ANK2: variants seen among roughly 807,000 people sequenced by gnomAD.
ANK2 encodes ankyrin 2, also known as ankyrin-2.
In ANK2, 83 loss-of-function variants were observed where a neutral mutation model predicts 360.5. The observed-to-expected ratio is 0.23, with a 90% CI of 0.19 to 0.28. ANK2 has a LOEUF of 0.28. ANK2 is among the 10% of genes least tolerant of loss of function. The probability of loss-of-function intolerance (pLI) is 1.00; values close to 1 mark genes in which losing one functional copy is unlikely to be tolerated. For synonymous variants in ANK2, 1,740 were observed against 1,759.5 expected, an observed-to-expected ratio of 0.99 and a Z score of 0.28; for missense variants, 4,201 against 4,795.7, an observed-to-expected ratio of 0.88 and a Z score of 3.66.
chr4:113,307,474 G>A (rs2077778027), intron 23 of ANK2, among the ~76,000 whole-genome samples: 1 of 144,578 alleles, frequency 6.9e-6, no homozygotes, highest in African/African-American at 2.6e-5. Flanking sequence ...GGAGTGCAGT[G>A]GTGTGATCTT....
At chr4:112,782,509 A>G in the ANK2 span, among the ~76,000 whole-genome samples, 1 of 152,106 alleles carries the variant, frequency 6.6e-6, no homozygotes, top group Non-Finnish European at 1.5e-5. Flanking sequence ...ATATTAACTT[A>G]TTTGATCCTT....
chr4:113,230,767 T>C (rs889769408), intron 4 of ANK2, among the ~76,000 whole-genome samples: 5 of 152,224 alleles, frequency 3.3e-5, no homozygotes, highest in African/African-American at 4.8e-5. Context: ...TTTAAACTCA[T>C]GTTATACAAT....
At chr4:113,026,436 A>G (rs554329869) in intron 2 of ANK2, among the ~76,000 whole-genome samples, 1 of 152,322 alleles carries the variant, frequency 6.6e-6, no homozygotes, top group East Asian at 1.9e-4. Context: ...AAATTCCTTG[A>G]TAACAGAAAC....
intron 10 of ANK2, among the ~76,000 whole-genome samples, chr4:113,252,083 C>T (rs147309884): frequency 6.6e-6 from 1 of 152,120 alleles, no homozygotes; most frequent in Non-Finnish European, 1.5e-5. Context: ...GAGGAACTCA[C>T]AGTCACGAGG....
At chr4:112,717,703 C>G in the ANK2 span, among the ~76,000 whole-genome samples, 4 of 152,060 alleles carry the variant, frequency 2.6e-5, no homozygotes, top group African/African-American at 7.2e-5. Flanking sequence ...ATTACCTATC[C>G]AAGATAGTTA....
chr4:112,925,632 A>C (rs1175692062), intron 2 of ANK2, among the ~76,000 whole-genome samples: 1 of 152,252 alleles, frequency 6.6e-6, no homozygotes, highest in African/African-American at 2.4e-5. Flanking sequence ...GAAATTTTTA[A>C]TTAATAAAAT....
At chr4:112,834,208 A>G (rs2060495099) in intron 1 of ANK2, among the ~76,000 whole-genome samples, 1 of 152,194 alleles carries the variant, frequency 6.6e-6, no homozygotes, top group Non-Finnish European at 1.5e-5. Context: ...CATTCTTACT[A>G]TGTATTAGAT....
chr4:112,875,807 T>C (rs889936689), intron 1 of ANK2, among the ~76,000 whole-genome samples: 1 of 151,978 alleles, frequency 6.6e-6, no homozygotes, highest in African/African-American at 2.4e-5. Context: ...GGTGTGCTCA[T>C]AGCTCACTGC....
At chr4:113,277,089 G>A (rs1039047698) in intron 15 of ANK2, among the ~76,000 whole-genome samples, 3 of 152,136 alleles carry the variant, frequency 2.0e-5, no homozygotes, top group East Asian at 1.9e-4. Flanking sequence ...GGTTAGGCAC[G>A]GAAGACACTG....
chr4:113,312,818 A>G (rs1387791675), intron 24 of ANK2, among the ~76,000 whole-genome samples: 4 of 152,198 alleles, frequency 2.6e-5, no homozygotes, highest in African/African-American at 9.7e-5. Flanking sequence ...TCCTTCTGCC[A>G]GTGAGAAAGA....
At position 113,357,905 on chromosome 4, in the gene ANK2, G is replaced by A; in HGVS notation, c.9287G>A (p.Ser3096Asn). 1.2e-6 allele frequency: 2 copies of A among 1,614,068 alleles called. No individual in the cohort carries two copies. Among genetic ancestry groups the A allele is most frequent in the Admixed American group, 3.3e-5 (2 of 60,008 alleles). Residue 3096 changes from serine to asparagine, a missense_variant, in exon 38 of 46, where the codon AGT becomes AAT. Physicochemically the swap from Ser to Asn is conservative, Grantham distance 46 (BLOSUM62 1). Around this residue, in one of 4 missense-constraint regions of ANK2, gnomAD observed 2,642 missense variants for 2,714.5 expected, o/e 0.97. Transcript: ENST00000357077. ...RTPTEEGTPT[S>N]EQNPFLFQEG... ...CCAACTGAAGAGGGGACCCCAACAA[G>A]TGAGCAAAACCCATTTCTGTTTCAG...
chr4:113,257,875 C>G (rs1242339771), intron 11 of ANK2, among the ~76,000 whole-genome samples, 175 bp from the exon 12 acceptor site: 1 of 152,240 alleles, frequency 6.6e-6, no homozygotes, highest in Non-Finnish European at 1.5e-5. Flanking sequence ...AAGTGAAGTT[C>G]AGTGCCTACA....
chr4:113,180,939 T>TAA (rs1562674461), intron 2 of ANK2, among the ~76,000 whole-genome samples: 1 of 152,192 alleles, frequency 6.6e-6, no homozygotes, highest in Non-Finnish European at 1.5e-5. Context: ...TGTAATCTCT[T>TAA]TCGATGCATC....
chr4:113,039,535 T>A (rs1384286779), intron 2 of ANK2, among the ~76,000 whole-genome samples: 2 of 101,584 alleles, frequency 2.0e-5, no homozygotes, highest in East Asian at 9.3e-4. Context: ...ATTTACATAT[T>A]TTTTTTTTCT....
rs150536846 is a variant in ANK2, at chr4:113,156,371, C to CTTTTTTTTTTTTTTTTTTTTTTTTT, written c.85-18035_85-18034insTTTTTTTTTTTTTTTTTTTTTTTTT. Among the ~76,000 whole-genome samples the CTTTTTTTTTTTTTTTTTTTTTTTTT allele has an allele frequency of 1.6e-4, 20 of 128,466 alleles. 1 individual carries two copies. The highest frequency in any genetic ancestry group is 2.3e-4 in the South Asian group (1 of 4,382). 84.3% of individuals were successfully genotyped at this position (128,466 alleles called of 152,430 possible). A position where few individuals can be genotyped will look rare whatever the true frequency, so the allele number is the denominator to read the frequency against. On this transcript the variant is annotated intron_variant, in intron 1 of 45. Transcript: ENST00000357077. ...CGTATAGAGTATATGTAGAAAAATT[C>CTTTTTTTTTTTTTTTTTTTTTTTTT]TTTTTTTTTTGTTTTTGAGACAGAG... is the stretch of plus-strand genomic sequence containing the variant.
chr4:112,727,903 G>A, the ANK2 span, among the ~76,000 whole-genome samples: 2 of 152,138 alleles, frequency 1.3e-5, no homozygotes, highest in South Asian at 4.1e-4. Context: ...CTTGCACGCG[G>A]GAGGCGGACG....
chr4:113,283,919 G>T (rs1300139731), intron 18 of ANK2, among the ~76,000 whole-genome samples: 1 of 152,190 alleles, frequency 6.6e-6, no homozygotes, highest in Non-Finnish European at 1.5e-5. Flanking sequence ...TTGTAAATAG[G>T]TTATGTAGCA....
At chr4:112,994,172 T>C (rs565382204) in intron 2 of ANK2, among the ~76,000 whole-genome samples, 1 of 152,242 alleles carries the variant, frequency 6.6e-6, no homozygotes, top group South Asian at 2.1e-4. Flanking sequence ...CTTTTTGTTT[T>C]ATATGGGATT....
chr4:113,378,185 TG>T (rs1044070272), intron 45 of ANK2: 33 of 1,232,662 alleles, frequency 2.7e-5, no homozygotes, highest in Non-Finnish European at 3.5e-5. Flanking sequence ...TTAAAAGGTT[TG>T]GGTTAGCATG....
Sources: allele counts gnomAD v4.1 joint callset (sites outside exome capture counted in the v4.1 genomes callset), GRCh38; gene constraint gnomAD v4.1.1; regional missense constraint gnomAD v4.1.1; transcripts MANE v1.5; gene names NCBI Gene and HGNC (gene_info 2026-07-23, HGNC 2026-07-21).